Variants in TMEM132D observed in about 807,000 individuals in gnomAD.
TMEM132D encodes transmembrane protein 132D.
TMEM132D carries 21 observed loss-of-function variants against 62.3 expected under a neutral mutation model. The ratio of observed to expected loss-of-function variants is 0.34; its 90% confidence interval spans 0.24 to 0.49. The LOEUF (loss-of-function observed/expected upper bound fraction) is 0.49, where lower values mean the gene tolerates loss of function less well. Among genes scored for constraint, TMEM132D ranks in the 20% least tolerant of loss-of-function variants. The pLI, the probability that TMEM132D is intolerant of heterozygous loss-of-function variation, is 0.99. For synonymous variants in TMEM132D, 621 were observed against 575.6 expected, an observed-to-expected ratio of 1.08 and a Z score of -1.13; for missense variants, 1,346 against 1,402.8, an observed-to-expected ratio of 0.96 and a Z score of 0.65.
At chr12:129,291,311 C>T (rs925900077) in intron 4 of TMEM132D, among the ~76,000 whole-genome samples, 2 of 152,182 alleles carry the variant, frequency 1.3e-5, no homozygotes, top group Admixed American at 1.3e-4. Context: ...TTTCTAGAGG[C>T]AGCTTGTAGG....
At chr12:129,466,016 A>G (rs1303804211) in intron 3 of TMEM132D, among the ~76,000 whole-genome samples, 1 of 152,192 alleles carries the variant, frequency 6.6e-6, no homozygotes, top group Non-Finnish European at 1.5e-5. Flanking sequence ...AGACATTCAT[A>G]ATATCTACGG....
At chr12:129,678,374 T>C (rs989690894) in intron 2 of TMEM132D, among the ~76,000 whole-genome samples, 4 of 152,214 alleles carry the variant, frequency 2.6e-5, no homozygotes, top group African/African-American at 9.6e-5. Context: ...CATTATGGTT[T>C]CAATTTGTAT....
intron 4 of TMEM132D, among the ~76,000 whole-genome samples, chr12:129,241,338 C>T (rs1879932954): frequency 6.6e-6 from 1 of 152,052 alleles, no homozygotes; most frequent in Admixed American, 6.6e-5. Context: ...AATCTGATTG[C>T]CTTGGAACGG....
intron 3 of TMEM132D, among the ~76,000 whole-genome samples, chr12:129,426,415 TCTC>T (rs1348142776): frequency 6.6e-6 from 1 of 151,882 alleles, no homozygotes; most frequent in Non-Finnish European, 1.5e-5. Context: ...TGCCTATTAT[TCTC>T]CTGCACACAT....
intron 1 of TMEM132D, among the ~76,000 whole-genome samples, chr12:129,739,966 A>G (rs1309257091): frequency 6.6e-6 from 1 of 152,132 alleles, no homozygotes; most frequent in East Asian, 1.9e-4. Flanking sequence ...CTTAATGATC[A>G]TATCTCCTTG....
intron 1 of TMEM132D, among the ~76,000 whole-genome samples, chr12:129,728,853 G>A (rs1869123116): frequency 6.6e-6 from 1 of 152,148 alleles, no homozygotes; most frequent in Non-Finnish European, 1.5e-5. Flanking sequence ...AGCCCCTCAT[G>A]TCTTCATGTA....
At chr12:129,786,858 T>C (rs1871260939) in intron 1 of TMEM132D, among the ~76,000 whole-genome samples, 1 of 152,114 alleles carries the variant, frequency 6.6e-6, no homozygotes, top group South Asian at 2.1e-4. Context: ...GCCACTGTGC[T>C]CCAGCCTGAT....
chr12:129,131,532 AG>A lies in TMEM132D; in HGVS notation c.1444-46831del, dbSNP rs796497160. ...TGAGGCAGGAGAATCGCTTGAACGC[AG>A]GAGGTGGAGGTTGCAGTGAGCCAAG... On this transcript the variant is annotated intron_variant, in intron 5 of 8. Transcript: ENST00000422113. Among the ~76,000 whole-genome samples, 3 of 152,260 alleles carry A rather than the reference AG, an allele frequency of 2.0e-5. No individual in the cohort carries two copies. In the South Asian group the frequency reaches 6.2e-4, roughly 32 times the overall value.
intron 4 of TMEM132D, among the ~76,000 whole-genome samples, 193 bp downstream of exon 4, chr12:129,337,441 G>GCACGCACACA (rs1555248616): frequency 2.0e-5 from 3 of 148,112 alleles, no homozygotes; most frequent in South Asian, 2.2e-4. Context: ...ATACACACAC[G>GCACGCACACA]CACACACACA....
chr12:129,627,674 A>G (rs1879257673), intron 2 of TMEM132D, among the ~76,000 whole-genome samples: 1 of 152,162 alleles, frequency 6.6e-6, no homozygotes, highest in Non-Finnish European at 1.5e-5. Flanking sequence ...ATAAGAAAAT[A>G]AGAAAAATAA....
intron 5 of TMEM132D, among the ~76,000 whole-genome samples, chr12:129,204,146 C>T (rs1878781578): frequency 6.6e-6 from 1 of 152,218 alleles, no homozygotes; most frequent in South Asian, 2.1e-4. Flanking sequence ...TTCTAAATGA[C>T]TGCACTAGTT....
At chr12:129,593,124 G>GAA (rs34972391) in intron 2 of TMEM132D, among the ~76,000 whole-genome samples, 37 of 151,668 alleles carry the variant, frequency 2.4e-4, no homozygotes, top group African/African-American at 3.6e-4. Flanking sequence ...TCACTCTGGG[G>GAA]AAAAAAAAGG....
intron 3 of TMEM132D, among the ~76,000 whole-genome samples, chr12:129,393,242 G>A (rs1020689083): frequency 2.0e-5 from 3 of 152,252 alleles, no homozygotes; most frequent in African/African-American, 7.2e-5. Context: ...TGCCCAGTGT[G>A]TGTGCTTGTG....
intron 1 of TMEM132D, among the ~76,000 whole-genome samples, chr12:129,872,874 T>C (rs989674530): frequency 3.9e-5 from 6 of 152,178 alleles, no homozygotes; most frequent in Admixed American, 2.6e-4. Context: ...GGGCAAGAGA[T>C]TGGAAATGAT....
chr12:129,073,674 AGACACTGTACTCTGGAATGTGTGCGTC>A lies in TMEM132D; in HGVS notation c.*174_*200del, dbSNP rs1270576145. Reference sequence around the variant, plus strand: ...CCATGCATGATAAACCTCTTAAGCAAGACACTGTACTCTGGAATGTGTGCGTCGATGCGGACTCCAGGCCTCGCCGCC... The same window carrying A: ...CCATGCATGATAAACCTCTTAAGCAAGATGCGGACTCCAGGCCTCGCCGCC... On this transcript the variant is annotated 3_prime_UTR_variant, in exon 9 of 9. Transcript: ENST00000422113. 11 of 467,346 alleles carry A rather than the reference AGACACTGTACTCTGGAATGTGTGCGTC, an allele frequency of 2.4e-5. No individual in the cohort carries two copies. 28.9% of individuals were successfully genotyped at this position (467,346 alleles called of 1,614,324 possible).
rs544104470 is a variant in TMEM132D at position 129,560,729 on chromosome 12, C to G, written c.969-29524G>C. 6.6e-5 allele frequency among the ~76,000 whole-genome samples: 10 copies of G among 152,306 alleles called. No homozygotes were observed. In the South Asian group the frequency reaches 2.1e-3, roughly 32 times the overall value. Reference sequence around the variant, plus strand: ...TAAAACAAACAACAAAAGTTTATCTCCCATTCAGGTACTTGCTCACCAAGG... The same window carrying G: ...TAAAACAAACAACAAAAGTTTATCTGCCATTCAGGTACTTGCTCACCAAGG... On this transcript the variant is annotated intron_variant, in intron 2 of 8. Transcript: ENST00000422113.
At chr12:129,125,488 G>A (rs917256111) in intron 5 of TMEM132D, among the ~76,000 whole-genome samples, 5 of 142,482 alleles carry the variant, frequency 3.5e-5, no homozygotes, top group Non-Finnish European at 6.0e-5. Flanking sequence ...TGACGATGTC[G>A]AATTACTATG....
chr12:129,236,821 T>C (rs1465680470), intron 4 of TMEM132D, among the ~76,000 whole-genome samples: 3 of 152,196 alleles, frequency 2.0e-5, no homozygotes, highest in Admixed American at 6.5e-5. Flanking sequence ...AGAGGAAATG[T>C]GTTTAGATTT....
At chr12:129,650,707 A>C (rs1409544480) in intron 2 of TMEM132D, among the ~76,000 whole-genome samples, 1 of 152,064 alleles carries the variant, frequency 6.6e-6, no homozygotes, top group Non-Finnish European at 1.5e-5. Flanking sequence ...CATGGCTTTC[A>C]TTTAATTTCT....
Sources: gnomAD v4.1 joint callset for allele counts (sites outside exome capture counted in the v4.1 genomes callset) on GRCh38, gnomAD v4.1.1 for gene constraint, MANE v1.5 for transcripts, NCBI Gene and HGNC (gene_info 2026-07-23, HGNC 2026-07-21) for gene names.